Variants in B3GALT1 observed in about 807,000 individuals in gnomAD.
B3GALT1 encodes beta-1,3-galactosyltransferase 1, also known as UDP-Gal:betaGlcNAc beta 1,3-galactosyltransferase, polypeptide 1.
B3GALT1 carries 10 observed loss-of-function variants against 23.2 expected under a neutral mutation model. That is an observed-to-expected ratio of 0.43 (90% CI 0.27 to 0.73). The LOEUF is 0.73. B3GALT1 is among the 30% of genes least tolerant of loss of function. The pLI, the probability that B3GALT1 is intolerant of heterozygous loss-of-function variation, is 0.21. For synonymous variants in B3GALT1, 156 were observed against 141.5 expected, an observed-to-expected ratio of 1.10 and a Z score of -0.73; for missense variants, 299 against 405.4, an observed-to-expected ratio of 0.74 and a Z score of 2.25.
intron 1 of B3GALT1, among the ~76,000 whole-genome samples, chr2:167,334,047 A>G (rs1697017650): frequency 6.6e-6 from 1 of 152,162 alleles, no homozygotes; most frequent in Admixed American, 6.5e-5. Flanking sequence ...AATTACATCA[A>G]TTAGAATTTC....
At chr2:167,792,849 T>C (rs535272863) in intron 3 of B3GALT1, among the ~76,000 whole-genome samples, 1 of 145,536 alleles carries the variant, frequency 6.9e-6, no homozygotes, top group East Asian at 2.0e-4. Flanking sequence ...AAAAGCAAGA[T>C]GGGGAACAGA....
At chr2:167,314,225 C>T (rs1696676874) in intron 1 of B3GALT1, among the ~76,000 whole-genome samples, 1 of 152,068 alleles carries the variant, frequency 6.6e-6, no homozygotes, top group Non-Finnish European at 1.5e-5. Context: ...GGAAAATTCA[C>T]TTAGCTGCTG....
At chr2:167,607,067 T>C (rs1366945965) in intron 2 of B3GALT1, among the ~76,000 whole-genome samples, 2 of 152,236 alleles carry the variant, frequency 1.3e-5, no homozygotes, top group East Asian at 3.9e-4. Context: ...ATTGAGAACA[T>C]GAAACCCCAA....
chr2:167,352,431 C>T (rs1055724339), intron 1 of B3GALT1, among the ~76,000 whole-genome samples: 2 of 151,178 alleles, frequency 1.3e-5, no homozygotes, highest in Admixed American at 6.6e-5. Context: ...TAAGATATCT[C>T]GAAACTGTAG....
At chr2:167,676,548 C>CGTGTATGTTT (rs1686430426) in intron 3 of B3GALT1, among the ~76,000 whole-genome samples, 1 of 139,638 alleles carries the variant, frequency 7.2e-6, no homozygotes, top group African/African-American at 3.2e-5. Flanking sequence ...CACACACACA[C>CGTGTATGTTT]ACACACATAT....
At chr2:167,361,990 A>G (rs1241916898) in intron 1 of B3GALT1, among the ~76,000 whole-genome samples, 1 of 151,986 alleles carries the variant, frequency 6.6e-6, no homozygotes, top group African/African-American at 2.4e-5. Flanking sequence ...AGGAGAATCG[A>G]TTGAACCCGG....
At chr2:167,564,224 G>T (rs1182792442) in intron 2 of B3GALT1, among the ~76,000 whole-genome samples, 2 of 151,462 alleles carry the variant, frequency 1.3e-5, no homozygotes, top group Non-Finnish European at 3.0e-5. Flanking sequence ...CATCCCGGAC[G>T]GGGCGGCAGG....
chr2:167,336,727 A>T (rs1397669117), intron 1 of B3GALT1, among the ~76,000 whole-genome samples: 6 of 152,112 alleles, frequency 3.9e-5, no homozygotes, highest in Non-Finnish European at 8.8e-5. Context: ...CAGTAGATGT[A>T]GTATTTTATT....
At chr2:167,837,822 ACT>A (rs1265691493) in intron 4 of B3GALT1, among the ~76,000 whole-genome samples, 8 of 151,680 alleles carry the variant, frequency 5.3e-5, no homozygotes, top group Admixed American at 5.3e-4. Flanking sequence ...ATTATAACAA[ACT>A]CTCTCTCAGA....
intron 2 of B3GALT1, among the ~76,000 whole-genome samples, chr2:167,517,975 A>G (rs1401654927): frequency 6.6e-6 from 1 of 152,078 alleles, no homozygotes; most frequent in Non-Finnish European, 1.5e-5. Flanking sequence ...TTTGATCCCA[A>G]TATCCGTGAA....
At chr2:167,780,544 T>A (rs1164953674) in intron 3 of B3GALT1, among the ~76,000 whole-genome samples, 3 of 152,226 alleles carry the variant, frequency 2.0e-5, no homozygotes, top group African/African-American at 7.2e-5. Flanking sequence ...GGAACTGTCA[T>A]ACCTTTCTGT....
chr2:167,338,570 G>A (rs1697097066), intron 1 of B3GALT1, among the ~76,000 whole-genome samples: 1 of 152,034 alleles, frequency 6.6e-6, no homozygotes, highest in African/African-American at 2.4e-5. Flanking sequence ...CTGAGACCCA[G>A]TGCTACTCAT....
chr2:167,491,360 CA>C (rs1177445105), intron 2 of B3GALT1, among the ~76,000 whole-genome samples: 1 of 152,058 alleles, frequency 6.6e-6, no homozygotes, highest in African/African-American at 2.4e-5. Context: ...ACTGCGAAAC[CA>C]GGGGTATCAC....
chr2:167,504,353 C>G (rs1699888878), intron 2 of B3GALT1, among the ~76,000 whole-genome samples: 1 of 152,114 alleles, frequency 6.6e-6, no homozygotes, highest in African/African-American at 2.4e-5. Flanking sequence ...CTCAAGATTA[C>G]ATAGTGTATG....
At chr2:167,679,505 C>T (rs913273915) in intron 3 of B3GALT1, among the ~76,000 whole-genome samples, 2 of 152,286 alleles carry the variant, frequency 1.3e-5, no homozygotes, top group Non-Finnish European at 2.9e-5. Context: ...CCGCCCACCT[C>T]GGCCTCCCGA....
At chr2:167,751,449 G>A (rs1230494507) in intron 3 of B3GALT1, among the ~76,000 whole-genome samples, 1 of 152,290 alleles carries the variant, frequency 6.6e-6, no homozygotes, top group Admixed American at 6.5e-5. Flanking sequence ...ATGGAGTGGA[G>A]GAAATAGTCT....
intron 2 of B3GALT1, among the ~76,000 whole-genome samples, chr2:167,500,464 C>A (rs1050851180): frequency 6.6e-6 from 1 of 152,022 alleles, no homozygotes; most frequent in Non-Finnish European, 1.5e-5. Flanking sequence ...ATGATCTTTG[C>A]AGCAAATTCT....
intron 1 of B3GALT1, among the ~76,000 whole-genome samples, chr2:167,375,264 A>G (rs1697745118): frequency 6.6e-6 from 1 of 152,126 alleles, no homozygotes; most frequent in African/African-American, 2.4e-5. Context: ...GTTTGAAGTC[A>G]GGTAAAATGG....
chr2:167,437,819 G>A (rs1304128338), intron 1 of B3GALT1, among the ~76,000 whole-genome samples: 1 of 152,096 alleles, frequency 6.6e-6, no homozygotes, highest in Non-Finnish European at 1.5e-5. Context: ...TCCCAGATTA[G>A]CTTGACTGTC....
Sources: allele counts gnomAD v4.1 joint callset (sites outside exome capture counted in the v4.1 genomes callset), GRCh38; gene constraint gnomAD v4.1.1; transcripts MANE v1.5; gene names NCBI Gene and HGNC (gene_info 2026-07-23, HGNC 2026-07-21).